CD72: variants seen among roughly 807,000 people sequenced by gnomAD.
The protein encoded by CD72 is CD72 molecule.
A neutral mutation model predicts 50.7 loss-of-function variants in CD72; 28 were observed. That is an observed-to-expected ratio of 0.55 (90% CI 0.41 to 0.76). The LOEUF (loss-of-function observed/expected upper bound fraction) is 0.76, where lower values mean the gene tolerates loss of function less well. CD72 is among the 30% of genes least tolerant of loss of function. The probability of loss-of-function intolerance (pLI) is 0.00; values close to 1 mark genes in which losing one functional copy is unlikely to be tolerated. For synonymous variants in CD72, 176 were observed against 171.2 expected (o/e 1.03, Z -0.22); for missense variants, 403 against 420.6 (o/e 0.96, Z 0.37).
At chr9:35,635,837 C>T (rs892388767) in intron 1 of CD72, among the ~76,000 whole-genome samples, 6 of 152,252 alleles carry the variant, frequency 3.9e-5, no homozygotes, top group Non-Finnish European at 7.4e-5. Context: ...CAGAGGAGCC[C>T]ACTTAAAGTT....
At chr9:35,640,542 G>A (rs937018804) in intron 1 of CD72, among the ~76,000 whole-genome samples, 6 of 152,256 alleles carry the variant, frequency 3.9e-5, no homozygotes, top group South Asian at 4.1e-4. Context: ...GCACTTAGCC[G>A]TGCAAGAACA....
At chr9:35,633,401 A>G (rs1006412494) in intron 1 of CD72, among the ~76,000 whole-genome samples, 2 of 151,362 alleles carry the variant, frequency 1.3e-5, no homozygotes, top group African/African-American at 4.9e-5. Context: ...AAAGCTTGCT[A>G]TCTTTTTGAC....
At chr9:35,644,766 A>G (rs1222203722) in intron 1 of CD72, among the ~76,000 whole-genome samples, 2 of 152,178 alleles carry the variant, frequency 1.3e-5, no homozygotes, top group Non-Finnish European at 2.9e-5. Flanking sequence ...GGGTGGCTCA[A>G]GGAGGAATTG....
intron 1 of CD72, among the ~76,000 whole-genome samples, chr9:35,645,098 T>C (rs373488059): frequency 6.9e-4 from 102 of 147,992 alleles, no homozygotes; most frequent in Non-Finnish European, 1.2e-3. Context: ...ACTCGGGAGG[T>C]TGAGGCAGAA....
chr9:35,616,793 G>A (rs1030399736), intron 3 of CD72, 104 bp from the exon 4 acceptor site: 2 of 1,095,370 alleles, frequency 1.8e-6, no homozygotes, highest in African/African-American at 3.1e-5. Context: ...GCATCCCTAA[G>A]AGGAGGGCGG....
At chr9:35,638,067 G>A (rs1411531416) in intron 1 of CD72, among the ~76,000 whole-genome samples, 3 of 152,046 alleles carry the variant, frequency 2.0e-5, no homozygotes, top group African/African-American at 7.2e-5. Flanking sequence ...GCCAGAGAAC[G>A]GCACTGTCAA....
At chr9:35,644,862 G>A (rs1250806853) in intron 1 of CD72, among the ~76,000 whole-genome samples, 2 of 149,808 alleles carry the variant, frequency 1.3e-5, no homozygotes, top group African/African-American at 2.5e-5. Flanking sequence ...GTCAGAACTC[G>A]TGACTGCGAG....
Position 35,616,134 on chromosome 9 carries a change from T to C in CD72, c.497A>G (p.Gln166Arg), listed in dbSNP as rs201897471. The change falls in exon 5 of 9, where the codon CAG (glutamine) becomes CGG (arginine). Residue 166 changes from glutamine to arginine, a missense_variant. Physicochemically the swap from Gln to Arg is conservative, Grantham distance 43. Coordinates refer to ENST00000259633, the MANE Select transcript of CD72 (RefSeq NM_001782.3). ...TTCCACCTGTAGTGCTTCCTGACTCTGCGCCAGCTCTCTCCTGGACCCCTG... is the reference window on the plus strand; with the variant it reads ...TTCCACCTGTAGTGCTTCCTGACTCCGCGCCAGCTCTCTCCTGGACCCCTG... Reference protein sequence around the residue: ...DLQGSRRELAQSQEALQVEQR... With the variant: ...DLQGSRRELARSQEALQVEQR... 1 of 1,614,182 alleles carries C rather than the reference T, an allele frequency of 6.2e-7. No individual in the cohort carries two copies.
chr9:35,616,955 G>A lies in CD72; in HGVS notation c.262+221C>T, dbSNP rs564892229. The A allele has an allele frequency of 7.8e-6, 11 of 1,418,822 alleles. No homozygotes were observed. In the South Asian group the frequency reaches 1.3e-4, roughly 17 times the overall value. The allele number at this position is 1,418,822 out of a possible 1,614,324, so 87.9% of individuals were successfully genotyped here. ...GAAATATCAGACGGAGAGAGGGGAA[G>A]GGGGGCAGGTAGGTGAATTGGGACC... On this transcript the variant is annotated intron_variant, in intron 3 of 8. Coordinates refer to ENST00000259633, the MANE Select transcript of CD72 (RefSeq NM_001782.3).
At chr9:35,637,165 G>A (rs572011050) in intron 1 of CD72, among the ~76,000 whole-genome samples, 23 of 152,114 alleles carry the variant, frequency 1.5e-4, no homozygotes, top group African/African-American at 3.9e-4. Context: ...CCCCCTGCCC[G>A]CAAAAAATTG....
chr9:35,623,557 A>G (rs1823164683), upstream of CD72, among the ~76,000 whole-genome samples: 1 of 152,114 alleles, frequency 6.6e-6, no homozygotes, highest in Non-Finnish European at 1.5e-5. Context: ...CCTGCTGATG[A>G]GGCAGCCCTA....
intron 1 of CD72, among the ~76,000 whole-genome samples, chr9:35,626,309 A>C (rs1823197179): frequency 6.6e-6 from 1 of 152,104 alleles, no homozygotes; most frequent in Non-Finnish European, 1.5e-5. Flanking sequence ...AACTACAGTT[A>C]GAAATGGAGT....
At chr9:35,615,363 G>T (rs1465766784) in intron 5 of CD72, among the ~76,000 whole-genome samples, 5 of 152,092 alleles carry the variant, frequency 3.3e-5, no homozygotes, top group Non-Finnish European at 7.4e-5. Context: ...CCTCTTTTAT[G>T]TGTCCCTTTC....
intron 1 of CD72, chr9:35,643,392 G>C (rs1823357423): frequency 6.6e-6 from 1 of 152,204 alleles, no homozygotes; most frequent in African/African-American, 2.4e-5. Flanking sequence ...CAGCACTGCA[G>C]AGATCTGAGA....
upstream of CD72, among the ~76,000 whole-genome samples, chr9:35,621,495 GT>G (rs1308285404): frequency 1.3e-5 from 2 of 152,218 alleles, no homozygotes; most frequent in African/African-American, 4.8e-5. Context: ...GGAAGCCCTA[GT>G]TTACTGACAG....
At chr9:35,644,154 G>A (rs1193564135) in intron 1 of CD72, among the ~76,000 whole-genome samples, 1 of 151,118 alleles carries the variant, frequency 6.6e-6, no homozygotes, top group South Asian at 2.1e-4. Flanking sequence ...AGACCATCCT[G>A]GCCAACATGG....
At chr9:35,631,134 T>C (rs1286370125) in intron 1 of CD72, among the ~76,000 whole-genome samples, 2 of 152,196 alleles carry the variant, frequency 1.3e-5, no homozygotes, top group African/African-American at 4.8e-5. Flanking sequence ...TGCTTATTGC[T>C]AGAGTAAAAA....
intron 1 of CD72, among the ~76,000 whole-genome samples, chr9:35,643,952 C>T (rs956652243): frequency 6.6e-6 from 1 of 151,640 alleles, no homozygotes; most frequent in African/African-American, 2.4e-5. Context: ...CACCATTGTA[C>T]TCCAGCCTGG....
exon 1 of CD72, chr9:35,646,599 A>G (rs1057008225): frequency 6.6e-6 from 1 of 152,328 alleles, no homozygotes; most frequent in Non-Finnish European, 1.5e-5. Flanking sequence ...GCTGTACAGG[A>G]GAAGACAGAG....
Sources: gnomAD v4.1 joint callset for allele counts (sites outside exome capture counted in the v4.1 genomes callset) on GRCh38, gnomAD v4.1.1 for gene constraint, MANE v1.5 for transcripts, NCBI Gene and HGNC (gene_info 2026-07-23, HGNC 2026-07-21) for gene names.